The following NPHP4 variants were observed in gnomAD, a reference collection of about 807,000 sequenced individuals.
NPHP4 encodes the protein nephrocystin 4.
A neutral mutation model predicts 155.8 loss-of-function variants in NPHP4; 151 were observed. That is an observed-to-expected ratio of 0.97 (90% CI 0.85 to 1.11). NPHP4 has a LOEUF of 1.11. NPHP4 is among the 50% of genes least tolerant of loss of function. NPHP4 has a pLI of 0.00. For synonymous variants in NPHP4, 845 were observed against 816.8 expected (o/e 1.03, Z -0.59); for missense variants, 1,956 against 1,925.7 (o/e 1.02, Z -0.29).
At chr1:5,948,288 A>T in intron 7 of NPHP4, 37 bp from the exon 8 acceptor site, 1 of 1,481,712 alleles carries the variant, frequency 6.7e-7, no homozygotes, top group Admixed American at 2.3e-5. Context: ...CCCGGCACAG[A>T]CGGAAAGAGG....
chr1:5,949,779 C>A (rs1307036959), intron 7 of NPHP4, among the ~76,000 whole-genome samples: 2 of 152,118 alleles, frequency 1.3e-5, no homozygotes, highest in African/African-American at 4.8e-5. Context: ...GCCACCTAGG[C>A]AGAGGCATGC....
chr1:5,986,148 T>G lies in NPHP4; in HGVS notation c.135+7A>C. ...AACACGCATTTGCTAACAGCACATT[T>G]TGTTACCTGCCTAATTACCGGTCCG... On this transcript the variant is annotated splice_region_variant and intron_variant, in intron 2 of 29. Transcript: ENST00000378156. The G allele has an allele frequency of 6.2e-7, 1 of 1,613,782 alleles. No individual in the cohort carries two copies. The highest frequency in any genetic ancestry group is 8.5e-7 in the Non-Finnish European group (1 of 1,179,816).
chr1:5,864,578 C>T (rs905737120), intron 27 of NPHP4, 61 bp from the exon 28 acceptor site: 3 of 1,407,692 alleles, frequency 2.1e-6, no homozygotes, highest in Middle Eastern at 2.2e-4. Context: ...GCAAGGGGCT[C>T]CTGGGCGCCT....
At chr1:5,908,036 T>C (rs1433887066) in intron 12 of NPHP4, among the ~76,000 whole-genome samples, 1 of 152,170 alleles carries the variant, frequency 6.6e-6, no homozygotes, top group Non-Finnish European at 1.5e-5. Context: ...ACATTCACTG[T>C]CAGCAATGAT....
intron 10 of NPHP4, among the ~76,000 whole-genome samples, chr1:5,932,300 A>G (rs1273786524): frequency 6.6e-6 from 1 of 152,202 alleles, no homozygotes; most frequent in African/African-American, 2.4e-5. Context: ...ATTTGACAGT[A>G]TTTTACCATA....
At chr1:5,908,139 G>A (rs938566152) in intron 12 of NPHP4, among the ~76,000 whole-genome samples, 2 of 152,226 alleles carry the variant, frequency 1.3e-5, no homozygotes, top group Admixed American at 6.5e-5. Context: ...AGCATCCCCA[G>A]GGGACCCTGG....
chr1:5,912,936 G>C (rs752974361), intron 11 of NPHP4, among the ~76,000 whole-genome samples: 1 of 152,128 alleles, frequency 6.6e-6, no homozygotes, highest in Non-Finnish European at 1.5e-5. Context: ...ATAACCTGGC[G>C]TTAAGAAGAA....
intron 11 of NPHP4, among the ~76,000 whole-genome samples, chr1:5,917,999 T>C (rs1450680873): frequency 6.6e-6 from 1 of 152,186 alleles, no homozygotes; most frequent in African/African-American, 2.4e-5. Flanking sequence ...CCAACTGCAA[T>C]GCGCACGCAG....
At chr1:5,915,247 C>T (rs1645412989) in intron 11 of NPHP4, among the ~76,000 whole-genome samples, 1 of 152,082 alleles carries the variant, frequency 6.6e-6, no homozygotes, top group African/African-American at 2.4e-5. Flanking sequence ...GACTGTGGCC[C>T]TGTTACAAAC....
intron 2 of NPHP4, among the ~76,000 whole-genome samples, chr1:5,984,322 C>G (rs1468227856): frequency 6.6e-6 from 1 of 152,092 alleles, no homozygotes; most frequent in East Asian, 1.9e-4. Context: ...CACCTGAGCT[C>G]AGGAGTTTGA....
intron 19 of NPHP4, 73 bp from the exon 20 acceptor site, chr1:5,877,371 C>A: frequency 7.8e-7 from 1 of 1,278,164 alleles, no homozygotes. Context: ...CCAGGGCAGG[C>A]CTCCCAGGAC....
Position 5,863,072 on chromosome 1 carries a change from A to G in NPHP4, c.*193T>C. 1 of 621,882 alleles carries G rather than the reference A, an allele frequency of 1.6e-6. No individual in the cohort carries two copies. The highest frequency in any genetic ancestry group is 2.6e-5 in the Admixed American group (1 of 38,672). 38.5% of individuals were successfully genotyped at this position (621,882 alleles called of 1,614,324 possible). Reference sequence around the variant, plus strand: ...GAACCCAGGCCTGCTGGGTGTCAGCAGCAGCTAAGCTGGATGCAGGTACTA... The same window carrying G: ...GAACCCAGGCCTGCTGGGTGTCAGCGGCAGCTAAGCTGGATGCAGGTACTA... On this transcript the variant is annotated 3_prime_UTR_variant, in exon 30 of 30. Coordinates refer to ENST00000378156, the MANE Select transcript of NPHP4 (RefSeq NM_015102.5).
At position 5,882,687 on chromosome 1, in the gene NPHP4, A is replaced by G. The variant is rs12079601; in HGVS notation, c.2486-2448T>C. ...CAGCTTCCTGGGAACGAGCACCTAGAACAAGGGCTATTTCGGTCCTCTCCC... is the reference window on the plus strand; with the variant it reads ...CAGCTTCCTGGGAACGAGCACCTAGGACAAGGGCTATTTCGGTCCTCTCCC... On this transcript the variant is annotated intron_variant, in intron 18 of 29. Coordinates refer to ENST00000378156, the MANE Select transcript of NPHP4 (RefSeq NM_015102.5). The surrounding 1 kb of genome is among the most constrained non-coding windows in gnomAD (Gnocchi z 5.1). 90,476 of 152,628 alleles carry G rather than the reference A, an allele frequency of 0.59. 26,830 individuals are homozygous for G. The highest frequency in any genetic ancestry group is 0.76 in the East Asian group (3,922 of 5,170). The allele number at this position is 152,628 out of a possible 1,614,324, so 9.5% of individuals were successfully genotyped here. A position where few individuals can be genotyped will look rare whatever the true frequency, so the allele number is the denominator to read the frequency against.
intron 16 of NPHP4, among the ~76,000 whole-genome samples, chr1:5,894,310 C>T (rs1644286272): frequency 6.6e-6 from 1 of 152,046 alleles, no homozygotes; most frequent in African/African-American, 2.4e-5. Context: ...AAAAACTGCC[C>T]AGGCATAGTG....
At chr1:5,926,082 G>C (rs1013060495) in intron 11 of NPHP4, among the ~76,000 whole-genome samples, 1 of 152,066 alleles carries the variant, frequency 6.6e-6, no homozygotes, top group African/African-American at 2.4e-5. Flanking sequence ...ACCACCACAA[G>C]GGATTCTAGT....
chr1:5,887,830 C>T (rs1177646932), intron 17 of NPHP4, among the ~76,000 whole-genome samples: 2 of 152,208 alleles, frequency 1.3e-5, no homozygotes, highest in Admixed American at 6.5e-5. Flanking sequence ...AGCCAAGCAA[C>T]GCAAAGGACT....
At chr1:5,933,030 T>C in intron 10 of NPHP4, 117 bp downstream of exon 10, 1 of 786,816 alleles carries the variant, frequency 1.3e-6, no homozygotes, top group Non-Finnish European at 2.0e-6. Context: ...ACCCATGACA[T>C]GAAAAAAATT....
Sources: allele counts gnomAD v4.1 joint callset (sites outside exome capture counted in the v4.1 genomes callset), GRCh38; gene constraint gnomAD v4.1.1; non-coding constraint Gnocchi (gnomAD v3.1); transcripts MANE v1.5; gene names NCBI Gene and HGNC (gene_info 2026-07-23, HGNC 2026-07-21).